The following SHISA9 variants were observed in gnomAD, a reference collection of about 807,000 sequenced individuals.
SHISA9 encodes the protein shisa family member 9.
In SHISA9, 13 loss-of-function variants were observed where a neutral mutation model predicts 38.0. That is an observed-to-expected ratio of 0.34 (90% CI 0.22 to 0.54). The LOEUF (loss-of-function observed/expected upper bound fraction) is 0.54, where lower values mean the gene tolerates loss of function less well. Ranked by LOEUF, SHISA9 falls within the 20% of genes least tolerant of loss-of-function variation. The pLI is 0.91. For missense variants in SHISA9, 538 were observed against 575.8 expected, an observed-to-expected ratio of 0.93 and a Z score of 0.67; for synonymous variants, 275 against 242.0, an observed-to-expected ratio of 1.14 and a Z score of -1.27.
chr16:13,259,195 C>T, the SHISA9 span, among the ~76,000 whole-genome samples: 1 of 152,214 alleles, frequency 6.6e-6, no homozygotes, highest in African/African-American at 2.4e-5. Context: ...AGTTCGAAAT[C>T]CAGTGGGGCA....
the SHISA9 span, among the ~76,000 whole-genome samples, chr16:13,363,585 C>G: frequency 6.6e-6 from 1 of 152,018 alleles, no homozygotes; most frequent in Admixed American, 6.6e-5. Flanking sequence ...AGTGGAGGTG[C>G]AGAAGAGCTT....
intron 2 of SHISA9, among the ~76,000 whole-genome samples, chr16:12,917,266 T>G (rs1481977409): frequency 2.0e-5 from 3 of 152,238 alleles, no homozygotes; most frequent in Admixed American, 6.5e-5. Context: ...CTGTTTTCAA[T>G]TATGAAATAC....
intron 2 of SHISA9, among the ~76,000 whole-genome samples, chr16:13,112,099 C>G (rs965232596): frequency 6.6e-6 from 1 of 152,076 alleles, no homozygotes; most frequent in African/African-American, 2.4e-5. Context: ...TACCACTCAG[C>G]AAAAGGGTAA....
At chr16:13,118,737 T>C (rs1388808207) in intron 2 of SHISA9, among the ~76,000 whole-genome samples, 1 of 149,652 alleles carries the variant, frequency 6.7e-6, no homozygotes, top group Non-Finnish European at 1.5e-5. Context: ...TTTCTTTTTT[T>C]TTTTTTTTTG....
chr16:13,534,425 A>G, the SHISA9 span, among the ~76,000 whole-genome samples: 1 of 151,682 alleles, frequency 6.6e-6, no homozygotes, highest in Admixed American at 6.6e-5. Flanking sequence ...GAGTTTCACC[A>G]TGTTGGCCAG....
chr16:13,249,821 C>T, the SHISA9 span, among the ~76,000 whole-genome samples: 1 of 152,152 alleles, frequency 6.6e-6, no homozygotes, highest in African/African-American at 2.4e-5. Context: ...CAGCCTCAAC[C>T]TGTGAGACTC....
chr16:13,095,478 C>A (rs565732931), intron 2 of SHISA9, among the ~76,000 whole-genome samples: 2 of 152,190 alleles, frequency 1.3e-5, no homozygotes, highest in Non-Finnish European at 2.9e-5. Context: ...GAAGGGAAAA[C>A]GAAAAGGGAA....
At chr16:12,914,875 A>G (rs79605570) in intron 1 of SHISA9, among the ~76,000 whole-genome samples, 1,615 of 152,238 alleles carry the variant, frequency 0.011, 32 homozygotes, top group African/African-American at 0.036. Flanking sequence ...GCATCTTAAC[A>G]AGTTCCCAGG....
intron 2 of SHISA9, among the ~76,000 whole-genome samples, chr16:13,110,160 C>T (rs555691330): frequency 1.3e-5 from 2 of 152,164 alleles, no homozygotes; most frequent in Non-Finnish European, 2.9e-5. Flanking sequence ...CCTGGAATGC[C>T]CTCCACACAT....
chr16:12,947,470 A>C, intron 2 of SHISA9, among the ~76,000 whole-genome samples: 1 of 152,344 alleles, frequency 6.6e-6, no homozygotes, highest in East Asian at 1.9e-4. Flanking sequence ...CTGGTCACTT[A>C]AGATAAAGAT....
At chr16:13,302,113 A>G in the SHISA9 span, among the ~76,000 whole-genome samples, 8 of 152,138 alleles carry the variant, frequency 5.3e-5, no homozygotes, top group Admixed American at 5.2e-4. Flanking sequence ...CCTTCATCAC[A>G]TTATAGGACA....
chr16:13,428,702 G>A, the SHISA9 span, among the ~76,000 whole-genome samples: 3 of 151,976 alleles, frequency 2.0e-5, no homozygotes, highest in Non-Finnish European at 4.4e-5. Context: ...GATGATCTTG[G>A]AATATATCCT....
intron 2 of SHISA9, among the ~76,000 whole-genome samples, chr16:13,021,871 A>C (rs1216902908): frequency 6.6e-6 from 1 of 152,208 alleles, no homozygotes; most frequent in South Asian, 2.1e-4. Context: ...GAGAAAGCAT[A>C]GTAGTGTCCT....
intron 2 of SHISA9, among the ~76,000 whole-genome samples, chr16:13,073,758 A>G (rs1223320305): frequency 3.3e-5 from 5 of 152,110 alleles, no homozygotes; most frequent in Non-Finnish European, 7.4e-5. Flanking sequence ...AGGGGAGAGG[A>G]TTCACAGAGA....
chr16:13,412,051 T>C, the SHISA9 span, among the ~76,000 whole-genome samples: 2 of 152,170 alleles, frequency 1.3e-5, no homozygotes, highest in African/African-American at 4.8e-5. Flanking sequence ...ACCAAATTCT[T>C]TACCTTTCTG....
chr16:12,980,221 C>G (rs1251774007), intron 2 of SHISA9, among the ~76,000 whole-genome samples: 1 of 152,198 alleles, frequency 6.6e-6, no homozygotes, highest in Non-Finnish European at 1.5e-5. Flanking sequence ...GGTACCATCT[C>G]CACTGTATGT....
chr16:13,491,818 C>A, the SHISA9 span, among the ~76,000 whole-genome samples: 9 of 44,506 alleles, frequency 2.0e-4, no homozygotes, highest in African/African-American at 6.2e-4. Context: ...ATTTATTGAC[C>A]TTTTTTTTTT....
chr16:13,490,602 C>T, the SHISA9 span, among the ~76,000 whole-genome samples: 1 of 152,060 alleles, frequency 6.6e-6, no homozygotes, highest in Non-Finnish European at 1.5e-5. Context: ...AACCTGAAGC[C>T]CCTTTGGGTA....
chr16:13,340,934 C>T, the SHISA9 span, among the ~76,000 whole-genome samples: 1 of 152,174 alleles, frequency 6.6e-6, no homozygotes, highest in Non-Finnish European at 1.5e-5. Flanking sequence ...GCAAACCTTC[C>T]CTAATCTCCC....
Sources: gnomAD v4.1 joint callset for allele counts (sites outside exome capture counted in the v4.1 genomes callset) on GRCh38, gnomAD v4.1.1 for gene constraint, MANE v1.5 for transcripts, NCBI Gene and HGNC (gene_info 2026-07-23, HGNC 2026-07-21) for gene names.